The following ATXN1 variants were observed in gnomAD, a reference collection of about 807,000 sequenced individuals.
The protein encoded by ATXN1 is ataxin-1.
ATXN1 carries 8 observed loss-of-function variants against 56.4 expected under a neutral mutation model. The observed-to-expected ratio is 0.14, with a 90% CI of 0.08 to 0.26. The LOEUF (loss-of-function observed/expected upper bound fraction) is 0.26. ATXN1 is among the 10% of genes least tolerant of loss of function. The pLI is 1.00. For missense variants in ATXN1, 987 were observed against 1,106.5 expected (o/e 0.89, Z 1.53); for synonymous variants, 514 against 494.6 (o/e 1.04, Z -0.52).
Position 16,628,858 on chromosome 6 carries a change from A to G in ATXN1, c.-489+28918T>C, listed in dbSNP as rs748170147. Among the ~76,000 whole-genome samples, 8 of 152,018 alleles carry G rather than the reference A, an allele frequency of 5.3e-5. 1 individual carries two copies. The highest frequency in any genetic ancestry group is 1.9e-4 in the East Asian group (1 of 5,196). ...ATATGTACCACATTTTTTTTGTCCAATCTGTCATTGATGGGCATTTAGGTT... is the reference window on the plus strand; with the variant it reads ...ATATGTACCACATTTTTTTTGTCCAGTCTGTCATTGATGGGCATTTAGGTT... On this transcript the variant is annotated intron_variant, in intron 3 of 7. Coordinates refer to ENST00000436367, the MANE Select transcript of ATXN1 (RefSeq NM_001128164.2).
intron 2 of ATXN1, among the ~76,000 whole-genome samples, chr6:16,690,932 C>T (rs149919465): frequency 3.1e-4 from 47 of 152,016 alleles, no homozygotes; most frequent in East Asian, 1.7e-3. Context: ...GAGAGGATTA[C>T]GAAATAATGA....
At chr6:16,457,859 C>T (rs886735193) in intron 6 of ATXN1, among the ~76,000 whole-genome samples, 25 of 152,306 alleles carry the variant, frequency 1.6e-4, no homozygotes, top group African/African-American at 5.8e-4. Context: ...CCACCAAACC[C>T]CTCAGGCTAT....
intron 3 of ATXN1, among the ~76,000 whole-genome samples, chr6:16,586,637 A>G (rs1762629783): frequency 6.6e-6 from 1 of 152,234 alleles, no homozygotes; most frequent in African/African-American, 2.4e-5. Flanking sequence ...TACTTAAGCC[A>G]ACAGTTCACA....
intron 5 of ATXN1, among the ~76,000 whole-genome samples, chr6:16,500,738 T>TAAAAAAA (rs1167731131): frequency 5.9e-5 from 5 of 84,600 alleles, no homozygotes; most frequent in African/African-American, 8.4e-5. Context: ...TTCATTATGA[T>TAAAAAAA]AAAAAAAAAA....
At chr6:16,567,623 T>C (rs1333671441) in intron 4 of ATXN1, among the ~76,000 whole-genome samples, 1 of 152,220 alleles carries the variant, frequency 6.6e-6, no homozygotes, top group African/African-American at 2.4e-5. Context: ...TTTGTGATCA[T>C]ATTCTGTCAG....
At position 16,487,339 on chromosome 6, in the gene ATXN1, C is replaced by CA. The variant is rs930028913; in HGVS notation, c.-298-1231dup. On this transcript the variant is annotated intron_variant, in intron 5 of 7. Transcript: ENST00000436367. Reference sequence around the variant, plus strand: ...TAATAGCATTTCTGAGGAAAAAAAACAAAAAAGAGTGGTCCTTTATCTCTA... The same window carrying CA: ...TAATAGCATTTCTGAGGAAAAAAAACAAAAAAAGAGTGGTCCTTTATCTCTA... 4.6e-5 allele frequency among the ~76,000 whole-genome samples: 7 copies of CA among 151,118 alleles called. No homozygotes were observed. The South Asian group carries it at 6.3e-4, about 14-fold the overall frequency.
chr6:16,326,460 C>A lies in ATXN1; in HGVS notation c.1851G>T (p.Arg617Ser). Residue 617 changes from arginine to serine, a missense_variant, in exon 7 of 8, where the codon AGG (arginine) becomes AGT (serine). Arg to Ser is a moderately radical substitution (Grantham distance 110). Around this residue, in one of 3 missense-constraint regions of ATXN1, gnomAD observed 68 missense variants for 118.1 expected, o/e 0.58. Coordinates refer to ENST00000436367, the MANE Select transcript of ATXN1 (RefSeq NM_001128164.2). This position sits in a 1 kb window ranked among gnomAD's most constrained non-coding sequence, Gnocchi z 6.6. ...DLKIDSSTVE[R>S]IEDSHSPGVA... is the part of the protein sequence containing the mutation. ...CGCCCGGGCTATGGCTGTCTTCAAT[C>A]CTCTCTACGGTGCTGGAGTCGATCT... is the stretch of plus-strand genomic sequence containing the variant. 6.2e-7 allele frequency: 1 copy of A among 1,614,184 alleles called. No homozygotes were observed. Among genetic ancestry groups the A allele is most frequent in the Non-Finnish European group, 8.5e-7 (1 of 1,180,026 alleles).
intron 6 of ATXN1, among the ~76,000 whole-genome samples, chr6:16,477,889 G>C (rs747584023): frequency 1.3e-5 from 2 of 152,106 alleles, no homozygotes; most frequent in African/African-American, 2.4e-5. Flanking sequence ...AGTAAGTGAC[G>C]TTTTCCTCCT....
At chr6:16,549,086 C>G (rs559177744) in intron 4 of ATXN1, among the ~76,000 whole-genome samples, 1 of 152,264 alleles carries the variant, frequency 6.6e-6, no homozygotes, top group South Asian at 2.1e-4. Flanking sequence ...CCTGTCATCT[C>G]CTATGACAAC....
intron 4 of ATXN1, among the ~76,000 whole-genome samples, chr6:16,562,463 G>A (rs200847813): frequency 0.021 from 1,485 of 71,806 alleles, 37 homozygotes; most frequent in African/African-American, 0.097. Flanking sequence ...AAGGAGAGGA[G>A]AGGAGAGGAG....
At chr6:16,351,269 C>T (rs1466786325) in intron 6 of ATXN1, among the ~76,000 whole-genome samples, 1 of 152,160 alleles carries the variant, frequency 6.6e-6, no homozygotes, top group Non-Finnish European at 1.5e-5. Context: ...GCAGAGGATT[C>T]CAGCAGAATT....
rs565492947 is a variant in ATXN1 at position 16,528,363 on chromosome 6, C to A, written c.-360-5675G>T. On this transcript the variant is annotated intron_variant, in intron 4 of 7. Transcript: ENST00000436367. ...TTGCTTCCAAAGGTAGCTCCATATC[C>A]TCTGAAGGTATACATGGGAGGGCCC... Among the ~76,000 whole-genome samples, 9 of 152,152 alleles carry A rather than the reference C, an allele frequency of 5.9e-5. No homozygotes were observed. The South Asian group carries it at 1.9e-3, about 32-fold the overall frequency.
intron 5 of ATXN1, among the ~76,000 whole-genome samples, chr6:16,504,946 A>G (rs1380422695): frequency 6.6e-6 from 1 of 150,530 alleles, no homozygotes; most frequent in African/African-American, 2.5e-5. Context: ...TCTAGAAAAT[A>G]GCAAGAGCCC....
At chr6:16,329,673 C>T (rs1357597035) in intron 6 of ATXN1, among the ~76,000 whole-genome samples, 2 of 152,200 alleles carry the variant, frequency 1.3e-5, no homozygotes, top group South Asian at 2.1e-4. Flanking sequence ...TTCACACCGT[C>T]CCCTTTCTCA....
chr6:16,309,147 G>C (rs183169819), intron 7 of ATXN1, among the ~76,000 whole-genome samples: 9 of 151,246 alleles, frequency 6.0e-5, no homozygotes, highest in Non-Finnish European at 1.2e-4. Context: ...GGAGGATCTT[G>C]AGCCCAGGAG....
intron 2 of ATXN1, among the ~76,000 whole-genome samples, chr6:16,669,566 G>A (rs1356845593): frequency 6.6e-6 from 1 of 151,896 alleles, no homozygotes; most frequent in African/African-American, 2.4e-5. Flanking sequence ...TACTACAAAA[G>A]GCAGTTTTCT....
intron 6 of ATXN1, among the ~76,000 whole-genome samples, chr6:16,364,690 C>A (rs893155577): frequency 2.0e-5 from 3 of 152,154 alleles, no homozygotes; most frequent in Non-Finnish European, 2.9e-5. Context: ...GGGACCCAGG[C>A]ATTGAGCCCA....
At chr6:16,402,242 GTTTTTT>G (rs58048762) in intron 6 of ATXN1, among the ~76,000 whole-genome samples, 132 of 62,098 alleles carry the variant, frequency 2.1e-3, no homozygotes, top group Middle Eastern at 0.01. Context: ...ACCACTGACA[GTTTTTT>G]TTTTTTTTTT....
At chr6:16,575,231 C>T (rs899305767) in intron 4 of ATXN1, among the ~76,000 whole-genome samples, 2 of 149,120 alleles carry the variant, frequency 1.3e-5, no homozygotes, top group Admixed American at 6.6e-5. Flanking sequence ...CCTGTTTCTG[C>T]ATATACTTTT....
Sources: gnomAD v4.1 joint callset for allele counts (sites outside exome capture counted in the v4.1 genomes callset) on GRCh38, gnomAD v4.1.1 for gene constraint, gnomAD v4.1.1 regional missense constraint, Gnocchi (gnomAD v3.1) non-coding constraint, MANE v1.5 for transcripts, NCBI Gene and HGNC (gene_info 2026-07-23, HGNC 2026-07-21) for gene names.